ANTXR1: variants seen among roughly 807,000 people sequenced by gnomAD.
The protein encoded by ANTXR1 is anthrax toxin receptor 1.
Under a neutral mutation model 78.1 loss-of-function variants are expected in ANTXR1, and 19 were observed. That is an observed-to-expected ratio of 0.24 (90% CI 0.17 to 0.36). The LOEUF (loss-of-function observed/expected upper bound fraction) is 0.36, where lower values mean the gene tolerates loss of function less well. Among genes scored for constraint, ANTXR1 ranks in the 10% least tolerant of loss-of-function variants. The pLI, the probability that ANTXR1 is intolerant of heterozygous loss-of-function variation, is 1.00. For missense variants in ANTXR1, 518 were observed against 718.6 expected, an observed-to-expected ratio of 0.72 and a Z score of 3.19; for synonymous variants, 273 against 260.5, an observed-to-expected ratio of 1.05 and a Z score of -0.46.
At chr2:69,167,178 G>A (rs767076926) in intron 13 of ANTXR1, among the ~76,000 whole-genome samples, 5 of 152,336 alleles carry the variant, frequency 3.3e-5, no homozygotes, top group Non-Finnish European at 7.4e-5. Context: ...TGGGAGGGAA[G>A]TAAGGCCACA....
At chr2:69,058,104 C>G (rs1234077918) in intron 3 of ANTXR1, among the ~76,000 whole-genome samples, 1 of 152,130 alleles carries the variant, frequency 6.6e-6, no homozygotes, top group Non-Finnish European at 1.5e-5. Flanking sequence ...AGGAAAGACG[C>G]CATCTCCATG....
chr2:69,231,597 G>T (rs769477164), intron 17 of ANTXR1, among the ~76,000 whole-genome samples: 1 of 152,110 alleles, frequency 6.6e-6, no homozygotes, highest in East Asian at 1.9e-4. Context: ...CACATTTTTT[G>T]GGTCGATTGG....
rs756377933 is a variant in ANTXR1 at position 69,245,496 on chromosome 2, T to C, written c.*11T>C. The C allele has an allele frequency of 6.2e-7, 1 of 1,613,078 alleles. No individual in the cohort carries two copies. The highest frequency in any genetic ancestry group is 1.3e-5 in the African/African-American group (1 of 74,728). ...AGGCCTTCTGTCTAGAGCCCAAAGTTCCTGCTCTGGGCTCTCTCAGAAACT... is the reference window on the plus strand; with the variant it reads ...AGGCCTTCTGTCTAGAGCCCAAAGTCCCTGCTCTGGGCTCTCTCAGAAACT... On this transcript the variant is annotated 3_prime_UTR_variant, in exon 18 of 18. Transcript: ENST00000303714.
intron 13 of ANTXR1, among the ~76,000 whole-genome samples, chr2:69,160,124 A>C (rs10199529): frequency 0.6 from 90,655 of 152,008 alleles, 29,601 homozygotes; most frequent in East Asian, 0.9. Context: ...CCATTCCCAT[A>C]TGGACACGCC....
rs2104299775 is a variant in ANTXR1 at position 69,096,349 on chromosome 2, GAA to G, written c.703+5431_703+5432del. On this transcript the variant is annotated intron_variant, in intron 9 of 17. Coordinates refer to ENST00000303714, the MANE Select transcript of ANTXR1 (RefSeq NM_032208.3). ...GGAAGGGAGGAAGGGAGGAAGGGAGGAAGGGAGGAAGGGAGGAAGGGAGGAAG... is the reference window on the plus strand; with the variant it reads ...GGAAGGGAGGAAGGGAGGAAGGGAGGGGGAGGAAGGGAGGAAGGGAGGAAG... Among the ~76,000 whole-genome samples the G allele has an allele frequency of 1.3e-4, 3 of 23,668 alleles. 1 individual carries two copies. The Admixed American group carries it at 1.3e-3, about 10-fold the overall frequency. 15.5% of individuals were successfully genotyped at this position (23,668 alleles called of 152,430 possible). A position where few individuals can be genotyped will look rare whatever the true frequency, so the allele number is the denominator to read the frequency against.
intron 12 of ANTXR1, among the ~76,000 whole-genome samples, chr2:69,125,852 A>T (rs77797566): frequency 0.06 from 9,194 of 152,110 alleles, 349 homozygotes; most frequent in Middle Eastern, 0.082. Flanking sequence ...AAAAAAAATT[A>T]AAAAAAGACA....
intron 17 of ANTXR1, among the ~76,000 whole-genome samples, chr2:69,203,065 T>C (rs566474092): frequency 7.6e-6 from 1 of 132,176 alleles, no homozygotes; most frequent in African/African-American, 2.4e-5. Context: ...AAGTCGTTTT[T>C]CTTGCACAAT....
intron 1 of ANTXR1, among the ~76,000 whole-genome samples, chr2:69,030,148 A>G (rs1558734396): frequency 6.6e-6 from 1 of 152,162 alleles, no homozygotes; most frequent in African/African-American, 2.4e-5. Context: ...TAAAATGCTC[A>G]GTCTTTCAAA....
intron 1 of ANTXR1, among the ~76,000 whole-genome samples, chr2:69,030,565 C>T (rs1209830956): frequency 6.6e-6 from 1 of 152,144 alleles, no homozygotes; most frequent in Non-Finnish European, 1.5e-5. Context: ...TTTAAGATAA[C>T]TCCAATTTTT....
In ANTXR1 at chr2:69,158,839, G is replaced by A. The variant is rs115609120; in HGVS notation, c.1047+6575G>A. Among the ~76,000 whole-genome samples, 494 of 152,318 alleles carry A rather than the reference G, an allele frequency of 3.2e-3. 4 individuals carry two copies. Among genetic ancestry groups the A allele is most frequent in the African/African-American group, 0.012 (479 of 41,558 alleles). ...GCATGTTCAACTTATGACATGTTCA[G>A]CTTACAATGGGTTTAATCTGGACAT... On this transcript the variant is annotated intron_variant, in intron 13 of 17. Transcript: ENST00000303714.
At chr2:69,137,310 T>C (rs865973278) in intron 12 of ANTXR1, among the ~76,000 whole-genome samples, 1 of 152,196 alleles carries the variant, frequency 6.6e-6, no homozygotes, top group Non-Finnish European at 1.5e-5. Flanking sequence ...TCTGGGTACC[T>C]GAATATCAGA....
chr2:69,046,611 A>G (rs75717496), intron 3 of ANTXR1, among the ~76,000 whole-genome samples: 215 of 152,278 alleles, frequency 1.4e-3, no homozygotes, highest in Non-Finnish European at 2.6e-3. Flanking sequence ...CAGCTGGGAA[A>G]GCACAGCATG....
intron 13 of ANTXR1, among the ~76,000 whole-genome samples, chr2:69,153,627 G>A (rs1673454827): frequency 6.6e-6 from 1 of 152,084 alleles, no homozygotes; most frequent in East Asian, 1.9e-4. Context: ...TATTTTGAGG[G>A]TAAAAAATCC....
chr2:69,017,158 T>C (rs1398472654), intron 1 of ANTXR1, among the ~76,000 whole-genome samples: 2 of 152,158 alleles, frequency 1.3e-5, no homozygotes, highest in South Asian at 4.1e-4. Context: ...ATTTATGAGA[T>C]TGATGAGTCC....
chr2:69,043,801 A>G (rs956196080), intron 2 of ANTXR1, among the ~76,000 whole-genome samples: 2 of 152,170 alleles, frequency 1.3e-5, no homozygotes, highest in Non-Finnish European at 2.9e-5. Flanking sequence ...GACGCCAGCT[A>G]GGAAATTGTA....
At chr2:69,017,334 G>A (rs577588454) in intron 1 of ANTXR1, among the ~76,000 whole-genome samples, 2 of 152,234 alleles carry the variant, frequency 1.3e-5, no homozygotes, top group South Asian at 2.1e-4. Flanking sequence ...TTTTCCTTGG[G>A]CTTCTTAGAT....
chr2:69,058,661 C>T (rs1670140100), intron 3 of ANTXR1, among the ~76,000 whole-genome samples: 1 of 152,154 alleles, frequency 6.6e-6, no homozygotes, highest in African/African-American at 2.4e-5. Context: ...AACATCCATT[C>T]TGTAGCCCAT....
chr2:69,199,567 G>A (rs1674726778), intron 17 of ANTXR1, among the ~76,000 whole-genome samples: 1 of 152,146 alleles, frequency 6.6e-6, no homozygotes, highest in Admixed American at 6.5e-5. Flanking sequence ...TTCAAACACA[G>A]AAACATAAGG....
chr2:69,028,944 C>T (rs931766541), intron 1 of ANTXR1, among the ~76,000 whole-genome samples: 10 of 152,078 alleles, frequency 6.6e-5, no homozygotes, highest in South Asian at 2.1e-4. Flanking sequence ...AGGCTGGGTG[C>T]GATGGCTCTC....
Sources: gnomAD v4.1 joint callset for allele counts (sites outside exome capture counted in the v4.1 genomes callset) on GRCh38, gnomAD v4.1.1 for gene constraint, MANE v1.5 for transcripts, NCBI Gene and HGNC (gene_info 2026-07-23, HGNC 2026-07-21) for gene names.